Variants in NXPE2 observed in about 807,000 individuals in gnomAD.
The protein encoded by NXPE2 is NXPE family member 2.
NXPE2 carries 34 observed loss-of-function variants against 34.4 expected under a neutral mutation model. That is an observed-to-expected ratio of 0.99 (90% CI 0.75 to 1.31). NXPE2 has a LOEUF of 1.31. Among genes scored for constraint, NXPE2 ranks in the 40% most tolerant of loss-of-function variants. The probability of loss-of-function intolerance (pLI) is 0.00; values close to 1 mark genes in which losing one functional copy is unlikely to be tolerated. For synonymous variants in NXPE2, 235 were observed against 231.3 expected, an observed-to-expected ratio of 1.02 and a Z score of -0.15; for missense variants, 649 against 672.5, an observed-to-expected ratio of 0.97 and a Z score of 0.39.
At chr11:114,506,178 C>A in the NXPE2 span, among the ~76,000 whole-genome samples, 1 of 150,336 alleles carries the variant, frequency 6.7e-6, no homozygotes. Flanking sequence ...ACAAGAAGAT[C>A]TAGCCAACTT....
the NXPE2 span, among the ~76,000 whole-genome samples, chr11:114,743,885 G>A: frequency 4.0e-5 from 6 of 149,350 alleles, no homozygotes; most frequent in Non-Finnish European, 1.5e-5. Context: ...GTGTACATGT[G>A]TATATATACA....
At chr11:114,622,874 T>G in the NXPE2 span, among the ~76,000 whole-genome samples, 3 of 147,706 alleles carry the variant, frequency 2.0e-5, no homozygotes, top group Non-Finnish European at 4.5e-5. Context: ...GTTAACCAGT[T>G]GATAATAAGT....
chr11:114,522,110 A>G, the NXPE2 span: 5 of 1,614,084 alleles, frequency 3.1e-6, no homozygotes, highest in African/African-American at 1.3e-5. Context: ...ATCCTTCATG[A>G]TAAGATAGTG....
At chr11:114,581,687 A>G in the NXPE2 span, 1 of 1,516,028 alleles carries the variant, frequency 6.6e-7, no homozygotes, top group African/African-American at 1.4e-5. Flanking sequence ...AAATGGGTCT[A>G]GAACTAGGCA....
At chr11:114,515,404 C>T in the NXPE2 span, among the ~76,000 whole-genome samples, 4 of 152,234 alleles carry the variant, frequency 2.6e-5, no homozygotes, top group African/African-American at 7.2e-5. Flanking sequence ...AAAGATGAAA[C>T]TATCCAAGAA....
At chr11:114,777,615 A>G in the NXPE2 span, among the ~76,000 whole-genome samples, 2 of 151,984 alleles carry the variant, frequency 1.3e-5, no homozygotes, top group African/African-American at 4.8e-5. Context: ...CATGCCTAGT[A>G]TTTTCTGATC....
chr11:114,490,926 G>T, the NXPE2 span, among the ~76,000 whole-genome samples: 1 of 151,908 alleles, frequency 6.6e-6, no homozygotes, highest in Non-Finnish European at 1.5e-5. Flanking sequence ...ACTTTGGGAG[G>T]CCGAGGCGGG....
At chr11:114,765,285 T>C in the NXPE2 span, among the ~76,000 whole-genome samples, 1 of 152,232 alleles carries the variant, frequency 6.6e-6, no homozygotes, top group African/African-American at 2.4e-5. Flanking sequence ...TTCATTGCAC[T>C]TTGCAGATAT....
chr11:114,624,672 T>C, the NXPE2 span, among the ~76,000 whole-genome samples: 1 of 151,982 alleles, frequency 6.6e-6, no homozygotes, highest in East Asian at 2.0e-4. Context: ...CATGGTTACC[T>C]GGTGGAAAAT....
intron 4 of NXPE2, 54 bp downstream of exon 4, chr11:114,704,106 C>G (rs1391351026): frequency 4.0e-6 from 5 of 1,252,882 alleles, no homozygotes; most frequent in Non-Finnish European, 5.7e-6. Context: ...ACGGAAAGGA[C>G]ATGCTTACTT....
chr11:114,672,998 A>G, the NXPE2 span, among the ~76,000 whole-genome samples: 1 of 150,632 alleles, frequency 6.6e-6, no homozygotes, highest in East Asian at 1.9e-4. Flanking sequence ...AACAGAAAAC[A>G]TATTCTTCTC....
the NXPE2 span, among the ~76,000 whole-genome samples, chr11:114,643,686 T>A: frequency 6.6e-6 from 1 of 151,250 alleles, no homozygotes; most frequent in East Asian, 1.9e-4. Context: ...TAAAGTCAGG[T>A]AGCATGATGC....
intron 2 of NXPE2, among the ~76,000 whole-genome samples, chr11:114,692,036 A>T (rs1951162644): frequency 6.6e-6 from 1 of 152,088 alleles, no homozygotes; most frequent in Non-Finnish European, 1.5e-5. Flanking sequence ...GAAAAAGACT[A>T]ATTCCAGTGC....
At chr11:114,573,863 TAACAGATATTTACAGAACA>T in the NXPE2 span, among the ~76,000 whole-genome samples, 1 of 151,978 alleles carries the variant, frequency 6.6e-6, no homozygotes, top group Non-Finnish European at 1.5e-5. Context: ...CAAATGAACT[TAACAGATATTTACAGAACA>T]TTCTACCCAA....
chr11:114,740,874 A>AT, the NXPE2 span, among the ~76,000 whole-genome samples: 19 of 152,292 alleles, frequency 1.2e-4, no homozygotes, highest in South Asian at 1.9e-3. Context: ...TGTATGTAGA[A>AT]TTATAATATC....
At chr11:114,792,391 A>AC in the NXPE2 span, among the ~76,000 whole-genome samples, 2 of 151,848 alleles carry the variant, frequency 1.3e-5, no homozygotes, top group Admixed American at 6.6e-5. Context: ...CTGGACTCTG[A>AC]CCCCCCATCT....
the NXPE2 span, chr11:114,570,494 C>G: frequency 6.4e-6 from 1 of 155,066 alleles, no homozygotes; most frequent in Non-Finnish European, 1.4e-5. Context: ...TTAGAATTCT[C>G]TCTATGACTA....
chr11:114,648,349 A>T, the NXPE2 span, among the ~76,000 whole-genome samples: 5 of 152,282 alleles, frequency 3.3e-5, no homozygotes, highest in African/African-American at 1.2e-4. Context: ...TTCTACTCTG[A>T]AAACAGGACA....
the NXPE2 span, among the ~76,000 whole-genome samples, chr11:114,627,984 T>C: frequency 1.3e-5 from 2 of 151,850 alleles, no homozygotes; most frequent in Non-Finnish European, 2.9e-5. Flanking sequence ...CCTAAATATA[T>C]ATGGACCCAA....
Sources: allele counts gnomAD v4.1 joint callset (sites outside exome capture counted in the v4.1 genomes callset), GRCh38; gene constraint gnomAD v4.1.1; transcripts MANE v1.5; gene names NCBI Gene and HGNC (gene_info 2026-07-23, HGNC 2026-07-21).